The following ADIPOR1 variants were observed in gnomAD, a reference collection of about 807,000 sequenced individuals.
The protein encoded by ADIPOR1 is adiponectin receptor 1.
In ADIPOR1, 15 loss-of-function variants were observed where a neutral mutation model predicts 37.5. The observed-to-expected ratio is 0.40, with a 90% CI of 0.27 to 0.62. ADIPOR1 has a LOEUF of 0.62. Among genes scored for constraint, ADIPOR1 ranks in the 20% least tolerant of loss-of-function variants. The pLI, the probability that ADIPOR1 is intolerant of heterozygous loss-of-function variation, is 0.42. For missense variants in ADIPOR1, 286 were observed against 478.0 expected (o/e 0.60, Z 3.75); for synonymous variants, 173 against 173.2 (o/e 1.00, Z 0.01).
chr1:202,950,077 C>T (rs1211385158), intron 2 of ADIPOR1, among the ~76,000 whole-genome samples: 2 of 152,074 alleles, frequency 1.3e-5, no homozygotes, highest in African/African-American at 4.8e-5. Flanking sequence ...ATTCTCCTGC[C>T]TCAGCCTCCC....
intron 2 of ADIPOR1, among the ~76,000 whole-genome samples, 175 bp downstream of exon 2, chr1:202,950,755 C>T (rs778300989): frequency 4.6e-5 from 7 of 152,158 alleles, no homozygotes; most frequent in Non-Finnish European, 8.8e-5. Flanking sequence ...CAAAAGCTTA[C>T]AATGGGGAAA....
chr1:202,946,140 T>C (rs1011791721), intron 4 of ADIPOR1, among the ~76,000 whole-genome samples: 5 of 152,172 alleles, frequency 3.3e-5, no homozygotes, highest in African/African-American at 4.8e-5. Flanking sequence ...TTTGAAATGT[T>C]GGCATTTTAC....
chr1:202,954,663 C>T (rs1476381119), intron 1 of ADIPOR1, among the ~76,000 whole-genome samples: 2 of 152,182 alleles, frequency 1.3e-5, no homozygotes, highest in African/African-American at 4.8e-5. Context: ...TAAACCTTTA[C>T]CACTAAGCTT....
Position 202,951,038 on chromosome 1 carries a change from C to G in ADIPOR1, c.33G>C (p.Gln11His). Reference protein sequence around the residue: MSSHKGSVVAQGNGAPASNRE... With the variant: MSSHKGSVVAHGNGAPASNRE... ...TGTTACTGGCAGGAGCCCCATTCCC[C>G]TGTGCCACCACAGATCCTTTGTGGG... The change falls in exon 2 of 8, where the codon CAG (glutamine) becomes CAC (histidine). Residue 11 changes from glutamine to histidine, a missense_variant. By Grantham distance (24) the Gln-to-His change is conservative (BLOSUM62 0). Transcript: ENST00000340990. The G allele has an allele frequency of 6.2e-7, 1 of 1,614,168 alleles. No individual in the cohort carries two copies. The highest frequency in any genetic ancestry group is 8.5e-7 in the Non-Finnish European group (1 of 1,180,038).
At position 202,942,327 on chromosome 1, in the gene ADIPOR1, A is replaced by G. The variant is rs1283278006; in HGVS notation, c.806-109T>C. ...GTTTATGATAATTAGCTATTTTTGGATGAATAGTACATGTTTAGGAAACTT... is the reference window on the plus strand; with the variant it reads ...GTTTATGATAATTAGCTATTTTTGGGTGAATAGTACATGTTTAGGAAACTT... On this transcript the variant is annotated intron_variant, in intron 6 of 7. Transcript: ENST00000340990. The G allele has an allele frequency of 3.8e-6, 4 of 1,049,070 alleles. No individual in the cohort carries two copies. The Admixed American group carries it at 1.2e-4, about 30-fold the overall frequency. The allele number at this position is 1,049,070 out of a possible 1,614,324, so 65.0% of individuals were successfully genotyped here. A position where few individuals can be genotyped will look rare whatever the true frequency, so the allele number is the denominator to read the frequency against.
At chr1:202,945,256 C>T (rs936089426) in intron 4 of ADIPOR1, 87 bp from the exon 5 acceptor site, 1 of 1,195,752 alleles carries the variant, frequency 8.4e-7, no homozygotes, top group Non-Finnish European at 1.1e-6. Context: ...CAGAGAGCTA[C>T]AGGCAACATC....
intron 1 of ADIPOR1, among the ~76,000 whole-genome samples, chr1:202,957,385 C>T (rs7514221): frequency 0.58 from 88,492 of 151,762 alleles, 26,020 homozygotes; most frequent in East Asian, 0.83. Flanking sequence ...GGCCTCCTAG[C>T]GCTCCTTTGA....
intron 4 of ADIPOR1, 60 bp from the exon 5 acceptor site, chr1:202,945,229 G>A (rs1571561626): frequency 6.5e-6 from 9 of 1,387,422 alleles, no homozygotes; most frequent in African/African-American, 1.4e-5. Context: ...ACACTTTGAT[G>A]GTTGATGTTT....
chr1:202,952,124 A>G (rs1654600760), intron 1 of ADIPOR1, among the ~76,000 whole-genome samples: 1 of 152,160 alleles, frequency 6.6e-6, no homozygotes, highest in African/African-American at 2.4e-5. Flanking sequence ...GGAAAGAGGG[A>G]GAAAGTTTCC....
At position 202,951,171 on chromosome 1, in the gene ADIPOR1, G is replaced by T. The variant is rs2102491484; in HGVS notation, c.-94-7C>A. The T allele has an allele frequency of 7.2e-7, 1 of 1,389,150 alleles. No homozygotes were observed. The highest frequency in any genetic ancestry group is 1.0e-6 in the Non-Finnish European group (1 of 1,003,520). The allele number at this position is 1,389,150 out of a possible 1,614,324, so 86.1% of individuals were successfully genotyped here. On this transcript the variant is annotated splice_region_variant and splice_polypyrimidine_tract_variant and intron_variant, in intron 1 of 7. Transcript: ENST00000340990. Reference sequence around the variant, plus strand: ...CTCCCTCTGATGGTAGACACTAAAAGAAAATACAAACATGAAGGATTGACA... The same window carrying T: ...CTCCCTCTGATGGTAGACACTAAAATAAAATACAAACATGAAGGATTGACA...
rs554047806 is a variant in ADIPOR1, at chr1:202,945,994, C to G, written c.430+445G>C. On this transcript the variant is annotated intron_variant, in intron 4 of 7. Transcript: ENST00000340990. The stretch of plus-strand genomic sequence containing the variant: ...ATTCATCCATGTAACCAAACCCCCC[C>G]CCACCCCTTTGTAACCCAAGAGCTA... 7.4e-3 allele frequency among the ~76,000 whole-genome samples: 1,013 copies of G among 137,102 alleles called. 10 individuals are homozygous for G. The highest frequency in any genetic ancestry group is 0.012 in the Non-Finnish European group (787 of 64,746). The allele number at this position is 137,102 out of a possible 152,430, so 89.9% of individuals were successfully genotyped here.
Position 202,941,318 on chromosome 1 carries a change from T to G in ADIPOR1, c.*255A>C, listed in dbSNP as rs548140409. The stretch of plus-strand genomic sequence containing the variant: ...AACATGAGTTTCAAAGTACTGTCTC[T>G]GTGAGGGGCCGGTAGATGCCTTGCT... On this transcript the variant is annotated 3_prime_UTR_variant, in exon 8 of 8. Transcript: ENST00000340990. 1 of 316,750 alleles carries G rather than the reference T, an allele frequency of 3.2e-6. No homozygotes were observed. 19.6% of individuals were successfully genotyped at this position (316,750 alleles called of 1,614,324 possible).
At chr1:202,949,515 A>C (rs796118714) in intron 2 of ADIPOR1, among the ~76,000 whole-genome samples, 6 of 145,778 alleles carry the variant, frequency 4.1e-5, no homozygotes, top group African/African-American at 1.5e-4. Flanking sequence ...TGGAGGGCGG[A>C]GCCTGCAGTG....
chr1:202,948,171 T>A (rs1037440432), intron 3 of ADIPOR1, 133 bp downstream of exon 3: 15 of 697,580 alleles, frequency 2.2e-5, no homozygotes, highest in Middle Eastern at 4.4e-4. Context: ...ATTTACCTCA[T>A]CTTAACCAAA....
chr1:202,941,837 A>G (rs1654101779), intron 7 of ADIPOR1, 136 bp from the exon 8 acceptor site: 2 of 1,294,270 alleles, frequency 1.5e-6, no homozygotes, highest in Non-Finnish European at 2.1e-6. Context: ...GTATATTTAG[A>G]AAGTTTTAAA....
intron 7 of ADIPOR1, 88 bp from the exon 8 acceptor site, chr1:202,941,789 A>G (rs768094524): frequency 3.6e-5 from 54 of 1,491,956 alleles, no homozygotes; most frequent in Non-Finnish European, 4.9e-5. Context: ...CTTCTAGTTT[A>G]TCCTTAATTA....
intron 6 of ADIPOR1, among the ~76,000 whole-genome samples, chr1:202,942,871 C>CTT (rs10682231): frequency 0.29 from 33,699 of 116,562 alleles, 4,339 homozygotes; most frequent in Non-Finnish European, 0.38. Flanking sequence ...TTCTTTCTTT[C>CTT]TTTTTTTTTT....
At position 202,948,415 on chromosome 1, in the gene ADIPOR1, T is replaced by C; in HGVS notation, c.147A>G (p.Glu49=). 1.9e-6 allele frequency: 3 copies of C among 1,613,804 alleles called. No homozygotes were observed. The highest frequency in any genetic ancestry group is 2.2e-5 in the South Asian group (2 of 91,070). The change falls in exon 3 of 8, where the codon GAA becomes GAG. Residue 49 remains glutamate (E), a synonymous_variant. Transcript: ENST00000340990. ...KRVIANPPKA[E]EEQTCPVPQE... ...GGGGCACTGGGCATGTTTGCTCTTCTTCAGCCTATGGGGGAAAAAACCCAC... is the reference window on the plus strand; with the variant it reads ...GGGGCACTGGGCATGTTTGCTCTTCCTCAGCCTATGGGGGAAAAAACCCAC...
rs1654208580 is a variant in ADIPOR1, at chr1:202,944,095, G to A, written c.618-150C>T. The A allele has an allele frequency of 6.0e-6, 4 of 664,540 alleles. No homozygotes were observed. In the East Asian group the frequency reaches 1.1e-4, roughly 18 times the overall value. 41.2% of individuals were successfully genotyped at this position (664,540 alleles called of 1,614,324 possible). ...TGTAGACTCCCATACAATCTATCCT[G>A]TATTCTGGATTAAAATTCCACAAGG... On this transcript the variant is annotated intron_variant, in intron 5 of 7. Transcript: ENST00000340990.
Sources: allele counts gnomAD v4.1 joint callset (sites outside exome capture counted in the v4.1 genomes callset), GRCh38; gene constraint gnomAD v4.1.1; transcripts MANE v1.5; gene names NCBI Gene and HGNC (gene_info 2026-07-23, HGNC 2026-07-21).